Variants in TBC1D14 observed in about 807,000 individuals in gnomAD.
The protein encoded by TBC1D14 is TBC1 domain family member 14.
Under a neutral mutation model 79.0 loss-of-function variants are expected in TBC1D14, and 26 were observed. That is an observed-to-expected ratio of 0.33 (90% CI 0.24 to 0.46). TBC1D14 has a LOEUF of 0.46. TBC1D14 is among the 20% of genes least tolerant of loss of function. The pLI is 1.00. For missense variants in TBC1D14, 769 were observed against 887.6 expected, an observed-to-expected ratio of 0.87 and a Z score of 1.70; for synonymous variants, 394 against 349.9, an observed-to-expected ratio of 1.13 and a Z score of -1.40.
In TBC1D14 at chr4:6,923,467, C is replaced by T; in HGVS notation, c.78C>T (p.Pro26=). 12 of 1,614,214 alleles carry T rather than the reference C, an allele frequency of 7.4e-6. No individual in the cohort carries two copies. Among genetic ancestry groups the T allele is most frequent in the Non-Finnish European group, 1.0e-5 (12 of 1,180,042 alleles). ...TTCTGGATGGTCGACCAGGAAACCCCCTTCAGAACCTGCAACACGTCAATC... is the reference window on the plus strand; with the variant it reads ...TTCTGGATGGTCGACCAGGAAACCCTCTTCAGAACCTGCAACACGTCAATC... ...MGILDGRPGN[P]LQNLQHVNLK... Residue 26 remains proline, a synonymous_variant, in exon 2 of 14, where the codon CCC becomes CCT. Coordinates refer to ENST00000409757, the MANE Select transcript of TBC1D14 (RefSeq NM_020773.3).
rs116311995 is a variant in TBC1D14 at position 6,932,903 on chromosome 4, C to T, written c.722+8792C>T. Reference sequence around the variant, plus strand: ...CATCATGGTGTGGCTGGGTTCCCCTCGGGCACTTATCAGGATGAAACAGCA... The same window carrying T: ...CATCATGGTGTGGCTGGGTTCCCCTTGGGCACTTATCAGGATGAAACAGCA... On this transcript the variant is annotated intron_variant, in intron 2 of 13. Coordinates refer to ENST00000409757, the MANE Select transcript of TBC1D14 (RefSeq NM_020773.3). Among the ~76,000 whole-genome samples, 413 of 152,262 alleles carry T rather than the reference C, an allele frequency of 2.7e-3. 1 individual carries two copies. Among genetic ancestry groups the T allele is most frequent in the Non-Finnish European group, 4.5e-3 (306 of 68,014 alleles).
intron 13 of TBC1D14, among the ~76,000 whole-genome samples, chr4:7,028,240 C>T (rs1265566864): frequency 5.9e-5 from 9 of 152,094 alleles, no homozygotes; most frequent in Admixed American, 5.9e-4. Context: ...CCCACATACA[C>T]AGGAAAGGAT....
At chr4:6,995,806 C>G (rs901497969) in intron 4 of TBC1D14, 1 of 122,782 alleles carries the variant, frequency 8.1e-6, no homozygotes, top group African/African-American at 3.1e-5. Context: ...GCCACTGCTC[C>G]CAGCCCATTC....
intron 12 of TBC1D14, among the ~76,000 whole-genome samples, chr4:7,019,408 G>T (rs1410464961): frequency 6.6e-6 from 1 of 152,186 alleles, no homozygotes; most frequent in Non-Finnish European, 1.5e-5. Flanking sequence ...GGTCGTCTCT[G>T]GCCTGTCAGT....
chr4:7,006,546 TTTG>T, intron 8 of TBC1D14, 83 bp from the exon 9 acceptor site: 2 of 1,272,826 alleles, frequency 1.6e-6, no homozygotes, highest in South Asian at 1.3e-5. Context: ...TTTTCCGTGT[TTTG>T]TTCTTGTAAA....
At chr4:6,927,912 C>T (rs1724415387) in intron 2 of TBC1D14, among the ~76,000 whole-genome samples, 1 of 152,204 alleles carries the variant, frequency 6.6e-6, no homozygotes, top group Non-Finnish European at 1.5e-5. Flanking sequence ...GTTAAGGGAT[C>T]ATATGAGCCC....
At position 6,923,774 on chromosome 4, in the gene TBC1D14, A is replaced by T. The variant is rs1207970355; in HGVS notation, c.385A>T (p.Thr129Ser). ...GGAACAGAGCGTGCGCAAATCCTCC[A>T]CGTTTCCCAGGACAGGCTATGACTC... is the stretch of plus-strand genomic sequence containing the variant. ...EREQSVRKSS[T>S]FPRTGYDSVK... The change falls in exon 2 of 14, where the codon ACG (threonine) becomes TCG (serine). Residue 129 changes from threonine to serine, a missense_variant. This residue lies in a region of TBC1D14 where 402 missense variants were observed against 393.2 expected (regional missense o/e 1.02). Coordinates refer to ENST00000409757, the MANE Select transcript of TBC1D14 (RefSeq NM_020773.3). 1 of 1,613,924 alleles carries T rather than the reference A, an allele frequency of 6.2e-7. No homozygotes were observed. The highest frequency in any genetic ancestry group is 8.5e-7 in the Non-Finnish European group (1 of 1,180,008).
intron 1 of TBC1D14, among the ~76,000 whole-genome samples, chr4:6,921,165 C>T (rs115451834): frequency 1.3e-5 from 2 of 152,170 alleles, no homozygotes; most frequent in African/African-American, 4.8e-5. Context: ...GTGCCACATA[C>T]CCTCCCTTCC....
At chr4:7,006,610 T>A in intron 8 of TBC1D14, 22 bp from the exon 9 acceptor site, 1 of 1,607,494 alleles carries the variant, frequency 6.2e-7, no homozygotes, top group Non-Finnish European at 8.5e-7. Context: ...GGAATGTAAT[T>A]ATTTTTGGCA....
At chr4:6,914,326 C>G (rs1382836283) in intron 1 of TBC1D14, among the ~76,000 whole-genome samples, 1 of 152,176 alleles carries the variant, frequency 6.6e-6, no homozygotes, top group Non-Finnish European at 1.5e-5. Flanking sequence ...TTCCAGGTGT[C>G]TGAAAGTTGC....
At chr4:6,985,996 C>A (rs1035742973) in intron 3 of TBC1D14, among the ~76,000 whole-genome samples, 2 of 152,160 alleles carry the variant, frequency 1.3e-5, no homozygotes, top group Non-Finnish European at 2.9e-5. Flanking sequence ...AAAATATGTT[C>A]GACATCCAAA....
chr4:6,977,048 T>TCTC (rs1716778817), intron 3 of TBC1D14, among the ~76,000 whole-genome samples: 1 of 74,902 alleles, frequency 1.3e-5, no homozygotes, highest in Non-Finnish European at 2.8e-5. Flanking sequence ...TCCCTCTCCC[T>TCTC]CCTCTCCCTC....
intron 8 of TBC1D14, among the ~76,000 whole-genome samples, chr4:7,006,346 C>T (rs1239440734): frequency 6.6e-6 from 1 of 152,092 alleles, no homozygotes; most frequent in East Asian, 1.9e-4. Flanking sequence ...TTGCTTTCCA[C>T]TGATTGTTAT....
chr4:7,010,773 C>T lies in TBC1D14; in HGVS notation c.1639C>T (p.His547Tyr), dbSNP rs1720676707. Residue 547 changes from histidine to tyrosine, a missense_variant, in exon 11 of 14, where the codon CAT becomes TAT. Around this residue, in one of 2 missense-constraint regions of TBC1D14, gnomAD observed 367 missense variants for 494.4 expected, o/e 0.74. Coordinates refer to ENST00000409757, the MANE Select transcript of TBC1D14 (RefSeq NM_020773.3). ...PCQMAFFRVD[H>Y]GLMLTYFAAF... ...TCAAATGGCGTTTTTTAGAGTGGAC[C>T]ATGGCCTTGTGAGTATCCTCTGTGT... 6 of 1,613,438 alleles carry T rather than the reference C, an allele frequency of 3.7e-6. No homozygotes were observed.
chr4:6,954,320 C>T (rs1483465552), intron 2 of TBC1D14: 2 of 717,516 alleles, frequency 2.8e-6, no homozygotes, highest in Non-Finnish European at 5.2e-6. Flanking sequence ...ATCTCCCCTG[C>T]GCTCCTGTTC....
At chr4:6,954,165 C>G (rs1488125524) in intron 2 of TBC1D14, 6 of 633,672 alleles carry the variant, frequency 9.5e-6, no homozygotes, top group African/African-American at 3.6e-5. Context: ...CTTCATCTGG[C>G]AGACGCGAGG....
Position 7,022,989 on chromosome 4 carries a change from C to T in TBC1D14, c.1758-2015C>T, listed in dbSNP as rs142797441. ...CTGTTGTTTTGGCTGGGCGTGGTGGCTCACGCCTGTAATCCCAGCACTTTG... is the reference window on the plus strand; with the variant it reads ...CTGTTGTTTTGGCTGGGCGTGGTGGTTCACGCCTGTAATCCCAGCACTTTG... On this transcript the variant is annotated intron_variant, in intron 12 of 13. Transcript: ENST00000409757. 3.2e-3 allele frequency among the ~76,000 whole-genome samples: 481 copies of T among 152,252 alleles called. 2 individuals carry two copies. Among genetic ancestry groups the T allele is most frequent in the Non-Finnish European group, 5.5e-3 (372 of 68,020 alleles).
At chr4:6,927,026 T>C (rs1019452695) in intron 2 of TBC1D14, among the ~76,000 whole-genome samples, 1 of 151,904 alleles carries the variant, frequency 6.6e-6, no homozygotes, top group Non-Finnish European at 1.5e-5. Flanking sequence ...GAGGGAAGGG[T>C]GGAGACGGGC....
intron 8 of TBC1D14, among the ~76,000 whole-genome samples, chr4:7,006,049 C>T (rs1720163043): frequency 1.3e-5 from 2 of 152,218 alleles, no homozygotes; most frequent in African/African-American, 2.4e-5. Context: ...GTTAGAGATA[C>T]TACACACTGG....
Sources: allele counts gnomAD v4.1 joint callset (sites outside exome capture counted in the v4.1 genomes callset), GRCh38; gene constraint gnomAD v4.1.1; regional missense constraint gnomAD v4.1.1; transcripts MANE v1.5; gene names NCBI Gene and HGNC (gene_info 2026-07-23, HGNC 2026-07-21).